CPQ: variants seen among roughly 807,000 people sequenced by gnomAD.
CPQ encodes the protein Ser-Met dipeptidase.
CPQ carries 37 observed loss-of-function variants against 45.7 expected under a neutral mutation model. The observed-to-expected ratio is 0.81, with a 90% CI of 0.62 to 1.07. The LOEUF (loss-of-function observed/expected upper bound fraction) is 1.07, where lower values mean the gene tolerates loss of function less well. CPQ is among the 50% of genes least tolerant of loss of function. The probability of loss-of-function intolerance (pLI) is 0.00; values close to 1 mark genes in which losing one functional copy is unlikely to be tolerated. For synonymous variants in CPQ, 186 were observed against 205.8 expected (o/e 0.90, Z 0.82); for missense variants, 537 against 572.9 (o/e 0.94, Z 0.64).
At chr8:97,121,306 T>C (rs1811698265) in intron 7 of CPQ, among the ~76,000 whole-genome samples, 1 of 152,228 alleles carries the variant, frequency 6.6e-6, no homozygotes, top group African/African-American at 2.4e-5. Flanking sequence ...GGACAAAATA[T>C]ATCAAACAAC....
intron 3 of CPQ, among the ~76,000 whole-genome samples, chr8:96,850,879 C>T (rs745723409): frequency 6.6e-6 from 1 of 152,194 alleles, no homozygotes. Flanking sequence ...GCTGGGATTA[C>T]AGGCATGAGC....
chr8:97,053,401 A>T (rs1440500058), intron 6 of CPQ, among the ~76,000 whole-genome samples: 1 of 152,186 alleles, frequency 6.6e-6, no homozygotes, highest in Non-Finnish European at 1.5e-5. Context: ...TTAATTTTTG[A>T]TAGAGGGGAA....
chr8:97,044,900 G>T (rs1368429938), intron 6 of CPQ, among the ~76,000 whole-genome samples: 1 of 152,204 alleles, frequency 6.6e-6, no homozygotes, highest in Non-Finnish European at 1.5e-5. Context: ...CCCTACTGGG[G>T]GGTGCCTCCC....
At chr8:96,932,306 T>C (rs1402694011) in intron 4 of CPQ, among the ~76,000 whole-genome samples, 2 of 152,208 alleles carry the variant, frequency 1.3e-5, no homozygotes, top group African/African-American at 4.8e-5. Context: ...CTATGTGCAT[T>C]TTGATTATTT....
At chr8:96,882,902 G>C (rs1252984701) in intron 4 of CPQ, among the ~76,000 whole-genome samples, 1 of 152,140 alleles carries the variant, frequency 6.6e-6, no homozygotes, top group Non-Finnish European at 1.5e-5. Context: ...ACCACCCAAA[G>C]TTTCCCTTGA....
chr8:97,068,541 G>C (rs1810679809), intron 7 of CPQ, among the ~76,000 whole-genome samples: 1 of 152,222 alleles, frequency 6.6e-6, no homozygotes, highest in Non-Finnish European at 1.5e-5. Flanking sequence ...GCTGAGGCAG[G>C]AGAATTGCTT....
At chr8:96,879,079 A>G (rs1464106103) in intron 3 of CPQ, among the ~76,000 whole-genome samples, 1 of 152,234 alleles carries the variant, frequency 6.6e-6, no homozygotes, top group Non-Finnish European at 1.5e-5. Flanking sequence ...AGATTAATAT[A>G]GGCTTCAATT....
chr8:96,890,526 G>T (rs1011897118), intron 4 of CPQ, among the ~76,000 whole-genome samples: 1 of 152,138 alleles, frequency 6.6e-6, no homozygotes, highest in African/African-American at 2.4e-5. Flanking sequence ...ACAAGGCATG[G>T]TAATACTAAG....
chr8:97,007,575 C>T (rs184934163), intron 5 of CPQ, among the ~76,000 whole-genome samples: 5 of 152,254 alleles, frequency 3.3e-5, no homozygotes, highest in Admixed American at 3.3e-4. Context: ...CTTACTTACT[C>T]AAAAGCCAAA....
rs138851998 is a variant in CPQ, at chr8:96,911,016, G to A, written c.849+31011G>A. Among the ~76,000 whole-genome samples, 99 of 151,620 alleles carry A rather than the reference G, an allele frequency of 6.5e-4. 1 individual carries two copies. The highest frequency in any genetic ancestry group is 6.2e-3 in the East Asian group (32 of 5,160). ...CTGAAAGATGCAGTAAAAAGAAATC[G>A]ATATTATTATCTATAATTTAATAGT... is the stretch of plus-strand genomic sequence containing the variant. On this transcript the variant is annotated intron_variant, in intron 4 of 7. Transcript: ENST00000220763.
chr8:96,661,951 G>A (rs952410538), intron 1 of CPQ, among the ~76,000 whole-genome samples: 4 of 152,166 alleles, frequency 2.6e-5, no homozygotes, highest in Non-Finnish European at 5.9e-5. Context: ...CCAGCATTTG[G>A]TGTTGTCAGT....
At chr8:96,872,759 T>G (rs1812088699) in intron 3 of CPQ, among the ~76,000 whole-genome samples, 1 of 151,886 alleles carries the variant, frequency 6.6e-6, no homozygotes, top group Non-Finnish European at 1.5e-5. Context: ...ACAAGGAAAC[T>G]CATATATTTT....
chr8:96,691,957 C>G (rs910328154), intron 1 of CPQ, among the ~76,000 whole-genome samples: 3 of 152,130 alleles, frequency 2.0e-5, no homozygotes, highest in Non-Finnish European at 2.9e-5. Flanking sequence ...TTGGAAATCA[C>G]TGAACACCCT....
chr8:96,964,316 T>A (rs1813518659), intron 4 of CPQ, among the ~76,000 whole-genome samples: 1 of 152,102 alleles, frequency 6.6e-6, no homozygotes, highest in African/African-American at 2.4e-5. Context: ...TGGTTGAATG[T>A]ACTTACACTA....
At chr8:97,050,175 A>G (rs1810335731) in intron 6 of CPQ, among the ~76,000 whole-genome samples, 1 of 152,092 alleles carries the variant, frequency 6.6e-6, no homozygotes, top group Non-Finnish European at 1.5e-5. Context: ...ATTGTTTTTC[A>G]TTGTTTTGCC....
At chr8:96,933,341 G>C (rs1234503229) in intron 4 of CPQ, among the ~76,000 whole-genome samples, 1 of 152,196 alleles carries the variant, frequency 6.6e-6, no homozygotes, top group African/African-American at 2.4e-5. Flanking sequence ...TTCTTCCTCT[G>C]TGTGGAACTG....
intron 6 of CPQ, among the ~76,000 whole-genome samples, chr8:97,057,794 G>A (rs2062654647): frequency 6.6e-6 from 1 of 152,106 alleles, no homozygotes; most frequent in Non-Finnish European, 1.5e-5. Context: ...ATTTTTGCAG[G>A]AGCAAGGCAG....
chr8:96,686,787 G>A (rs1042164580), intron 1 of CPQ, among the ~76,000 whole-genome samples: 2 of 151,938 alleles, frequency 1.3e-5, no homozygotes, highest in African/African-American at 4.8e-5. Context: ...AAATTTGTCA[G>A]TATTCCGCTA....
chr8:97,001,768 C>T (rs1359646464), intron 5 of CPQ, among the ~76,000 whole-genome samples: 8 of 87,878 alleles, frequency 9.1e-5, no homozygotes, highest in East Asian at 3.5e-4. Context: ...GCTTTGTTAT[C>T]AGGATAACAC....
Sources: allele counts gnomAD v4.1 joint callset (sites outside exome capture counted in the v4.1 genomes callset), GRCh38; gene constraint gnomAD v4.1.1; transcripts MANE v1.5; gene names NCBI Gene and HGNC (gene_info 2026-07-23, HGNC 2026-07-21).